Variants in STAG1 observed in about 807,000 individuals in gnomAD.
STAG1 encodes the protein cohesin subunit SA-1.
STAG1 carries 26 observed loss-of-function variants against 170.9 expected under a neutral mutation model. That is an observed-to-expected ratio of 0.15 (90% CI 0.11 to 0.21). The LOEUF (loss-of-function observed/expected upper bound fraction) is 0.21. STAG1 is among the 10% of genes least tolerant of loss of function. The pLI is 1.00. For synonymous variants in STAG1, 514 were observed against 497.7 expected (o/e 1.03, Z -0.44); for missense variants, 964 against 1,509.5 (o/e 0.64, Z 5.99).
At chr3:136,360,426 C>A (rs150608430) in intron 26 of STAG1, among the ~76,000 whole-genome samples, 2 of 152,312 alleles carry the variant, frequency 1.3e-5, no homozygotes, top group East Asian at 1.9e-4. Context: ...TAACCCATTT[C>A]TCTGATTCCC....
intron 1 of STAG1, among the ~76,000 whole-genome samples, chr3:136,705,878 A>C (rs1288083595): frequency 6.6e-6 from 1 of 152,086 alleles, no homozygotes; most frequent in Admixed American, 6.6e-5. Context: ...ACAATGGCTC[A>C]TGCCTATAAT....
At chr3:136,745,674 T>C (rs1005985097) in intron 1 of STAG1, among the ~76,000 whole-genome samples, 1 of 152,160 alleles carries the variant, frequency 6.6e-6, no homozygotes, top group African/African-American at 2.4e-5. Flanking sequence ...GCCCAGTTTC[T>C]ACCAGGCCAA....
chr3:136,750,560 AGAACATC>A (rs1382986947), intron 1 of STAG1, among the ~76,000 whole-genome samples: 2 of 152,252 alleles, frequency 1.3e-5, no homozygotes, highest in African/African-American at 4.8e-5. Context: ...TAGCCTTATC[AGAACATC>A]GAAACTGAAG....
chr3:136,707,617 G>C (rs921651723), intron 1 of STAG1, among the ~76,000 whole-genome samples: 1 of 152,156 alleles, frequency 6.6e-6, no homozygotes. Flanking sequence ...AGGGTTCAAG[G>C]GCATGGCCCT....
chr3:136,414,750 T>C (rs2087725515), intron 21 of STAG1, among the ~76,000 whole-genome samples: 1 of 152,242 alleles, frequency 6.6e-6, no homozygotes, highest in African/African-American at 2.4e-5. Flanking sequence ...CAATGTTTTT[T>C]CTTAAATAAT....
chr3:136,399,240 C>T (rs2087249933), intron 21 of STAG1, among the ~76,000 whole-genome samples: 1 of 151,976 alleles, frequency 6.6e-6, no homozygotes, highest in Non-Finnish European at 1.5e-5. Flanking sequence ...AATGTGAAAA[C>T]AGTCATATCA....
intron 1 of STAG1, among the ~76,000 whole-genome samples, chr3:136,728,959 G>C (rs1054191732): frequency 2.0e-5 from 3 of 152,188 alleles, no homozygotes; most frequent in Non-Finnish European, 4.4e-5. Context: ...GGATGGGAAA[G>C]AGAGACAGTC....
intron 24 of STAG1, 142 bp downstream of exon 24, chr3:136,368,966 C>G (rs1937188145): frequency 1.3e-5 from 8 of 613,958 alleles, no homozygotes; most frequent in East Asian, 3.3e-5. Context: ...GCTAGGATTA[C>G]TGGTGTCAGC....
intron 6 of STAG1, among the ~76,000 whole-genome samples, chr3:136,540,858 A>G (rs565854192): frequency 3.5e-5 from 5 of 143,136 alleles, no homozygotes; most frequent in Non-Finnish European, 7.6e-5. Flanking sequence ...AAAAACCTAT[A>G]TATTTATTTT....
chr3:136,661,229 T>C (rs1941568729), intron 1 of STAG1, among the ~76,000 whole-genome samples: 1 of 152,192 alleles, frequency 6.6e-6, no homozygotes, highest in Non-Finnish European at 1.5e-5. Flanking sequence ...GTCCTAAATA[T>C]TATTCCACCT....
At chr3:136,511,056 G>A (rs1018751452) in intron 7 of STAG1, among the ~76,000 whole-genome samples, 1 of 152,224 alleles carries the variant, frequency 6.6e-6, no homozygotes, top group African/African-American at 2.4e-5. Context: ...ACAGGCATGA[G>A]CCACTGCACC....
intron 1 of STAG1, among the ~76,000 whole-genome samples, chr3:136,718,898 T>C (rs560321137): frequency 4.0e-5 from 6 of 151,808 alleles, no homozygotes; most frequent in African/African-American, 1.5e-4. Context: ...CTGCACTCCA[T>C]CCTGGGTGAC....
Position 136,501,567 on chromosome 3 carries a change from A to T in STAG1, c.828+1061T>A, listed in dbSNP as rs1004355686. Reference sequence around the variant, plus strand: ...CACTAGGAGAGAAGTCTGGAACACAACCTTCCGAGCGAGGATGGCCCTGCC... The same window carrying T: ...CACTAGGAGAGAAGTCTGGAACACATCCTTCCGAGCGAGGATGGCCCTGCC... On this transcript the variant is annotated intron_variant, in intron 8 of 33. Coordinates refer to ENST00000383202, the MANE Select transcript of STAG1 (RefSeq NM_005862.3). Among the ~76,000 whole-genome samples the T allele has an allele frequency of 2.0e-5, 3 of 152,238 alleles. No homozygotes were observed. In the East Asian group the frequency reaches 5.8e-4, roughly 29 times the overall value.
At chr3:136,422,885 G>A in intron 17 of STAG1, 28 bp from the exon 18 acceptor site, 3 of 1,593,824 alleles carry the variant, frequency 1.9e-6, no homozygotes, top group Non-Finnish European at 2.6e-6. Context: ...GAAAAAGACA[G>A]TAACTACTTT....
chr3:136,662,583 C>T (rs900083701), intron 1 of STAG1, among the ~76,000 whole-genome samples: 1 of 151,998 alleles, frequency 6.6e-6, no homozygotes, highest in Non-Finnish European at 1.5e-5. Context: ...GTAGCCAGGA[C>T]TCTAGGAGCG....
intron 21 of STAG1, among the ~76,000 whole-genome samples, chr3:136,417,081 A>G (rs1339324883): frequency 1.3e-5 from 2 of 152,094 alleles, no homozygotes; most frequent in African/African-American, 2.4e-5. Context: ...TTCTGACCTC[A>G]GGTGATCCAC....
At chr3:136,556,577 T>TTTTG (rs879474826) in intron 5 of STAG1, among the ~76,000 whole-genome samples, 165 of 152,176 alleles carry the variant, frequency 1.1e-3, no homozygotes, top group African/African-American at 3.3e-3. Context: ...TTCGTTTTTT[T>TTTTG]TTTGTTTGTT....
intron 22 of STAG1, among the ~76,000 whole-genome samples, chr3:136,393,933 C>T (rs553458988): frequency 1.9e-3 from 286 of 152,124 alleles, no homozygotes; most frequent in African/African-American, 6.6e-3. Flanking sequence ...GACGGAGTCT[C>T]GCTCTGTTGC....
intron 5 of STAG1, among the ~76,000 whole-genome samples, chr3:136,543,645 A>C (rs768701413): frequency 4.0e-4 from 61 of 152,304 alleles, no homozygotes; most frequent in African/African-American, 9.9e-4. Flanking sequence ...ATGGGACACT[A>C]GAAAAGTCAC....
Sources: gnomAD v4.1 joint callset for allele counts (sites outside exome capture counted in the v4.1 genomes callset) on GRCh38, gnomAD v4.1.1 for gene constraint, MANE v1.5 for transcripts, NCBI Gene and HGNC (gene_info 2026-07-23, HGNC 2026-07-21) for gene names.